The following CLSTN2 variants were observed in gnomAD, a reference collection of about 807,000 sequenced individuals.
The protein encoded by CLSTN2 is calsyntenin 2.
CLSTN2 carries 48 observed loss-of-function variants against 101.2 expected under a neutral mutation model. The observed-to-expected ratio is 0.47, with a 90% CI of 0.38 to 0.60. The LOEUF (loss-of-function observed/expected upper bound fraction) is 0.60, where lower values mean the gene tolerates loss of function less well. CLSTN2 is among the 20% of genes least tolerant of loss of function. The probability of loss-of-function intolerance (pLI) is 0.00; values close to 1 mark genes in which losing one functional copy is unlikely to be tolerated. For missense variants in CLSTN2, 1,160 were observed against 1,238.2 expected, an observed-to-expected ratio of 0.94 and a Z score of 0.95; for synonymous variants, 481 against 463.6, an observed-to-expected ratio of 1.04 and a Z score of -0.48.
intron 16 of CLSTN2, 77 bp from the exon 17 acceptor site, chr3:140,565,976 G>A: frequency 6.3e-7 from 1 of 1,578,140 alleles, no homozygotes; most frequent in South Asian, 1.1e-5. Flanking sequence ...TTTCCTTAAT[G>A]GATGGAGAGA....
At chr3:140,350,960 C>G (rs2087599660) in intron 2 of CLSTN2, among the ~76,000 whole-genome samples, 1 of 152,154 alleles carries the variant, frequency 6.6e-6, no homozygotes, top group Non-Finnish European at 1.5e-5. Context: ...AGATTTATTC[C>G]TTGTTTGCTC....
At chr3:140,113,446 G>A (rs2009188590) in intron 1 of CLSTN2, among the ~76,000 whole-genome samples, 1 of 152,164 alleles carries the variant, frequency 6.6e-6, no homozygotes, top group Admixed American at 6.5e-5. Flanking sequence ...TCAACCCGGG[G>A]TTCTCACAGA....
chr3:140,023,008 G>A (rs1313886778), intron 1 of CLSTN2, among the ~76,000 whole-genome samples: 1 of 152,186 alleles, frequency 6.6e-6, no homozygotes, highest in African/African-American at 2.4e-5. Flanking sequence ...GGAGGAAAGG[G>A]CTTCAACGTT....
intron 1 of CLSTN2, among the ~76,000 whole-genome samples, chr3:140,040,851 A>C (rs931873130): frequency 2.0e-5 from 3 of 152,066 alleles, no homozygotes; most frequent in Non-Finnish European, 4.4e-5. Flanking sequence ...TCATGATTAC[A>C]AGGTGGAGTG....
intron 1 of CLSTN2, among the ~76,000 whole-genome samples, chr3:140,076,168 CTG>C (rs2008483897): frequency 1.3e-5 from 2 of 152,178 alleles, no homozygotes; most frequent in African/African-American, 4.8e-5. Context: ...TATTTGTCCT[CTG>C]TGATGGGCTT....
At chr3:140,083,448 A>G (rs927827081) in intron 1 of CLSTN2, among the ~76,000 whole-genome samples, 1 of 152,248 alleles carries the variant, frequency 6.6e-6, no homozygotes, top group Non-Finnish European at 1.5e-5. Context: ...GAATGAATTA[A>G]TGATTGGTTG....
At chr3:140,133,905 A>G (rs2009560882) in intron 1 of CLSTN2, among the ~76,000 whole-genome samples, 1 of 152,146 alleles carries the variant, frequency 6.6e-6, no homozygotes, top group Non-Finnish European at 1.5e-5. Flanking sequence ...GCCTCTGTGT[A>G]GTTTCAATGT....
chr3:140,317,500 C>T (rs1208356858), intron 2 of CLSTN2, among the ~76,000 whole-genome samples: 1 of 152,136 alleles, frequency 6.6e-6, no homozygotes, highest in Non-Finnish European at 1.5e-5. Flanking sequence ...TTCCTACAGC[C>T]TGTTGGCCAC....
Position 140,576,056 on chromosome 3 carries a change from C to A in CLSTN2, c.*9803C>A, listed in dbSNP as rs1304614508. ...GAAATTGAAGACCCAGCTTATCACT[C>A]CTTCATAGAGACTCAGTAGTATGAG... is the stretch of plus-strand genomic sequence containing the variant. On this transcript the variant is annotated 3_prime_UTR_variant, in exon 17 of 17. Coordinates refer to ENST00000458420, the MANE Select transcript of CLSTN2 (RefSeq NM_022131.3). 1 of 152,134 alleles carries A rather than the reference C, an allele frequency of 6.6e-6. No homozygotes were observed. Among genetic ancestry groups the A allele is most frequent in the Non-Finnish European group, 1.5e-5 (1 of 68,030 alleles). The allele number at this position is 152,134 out of a possible 1,614,324, so 9.4% of individuals were successfully genotyped here.
chr3:140,477,024 A>G (rs1025160615), intron 8 of CLSTN2, among the ~76,000 whole-genome samples: 5 of 152,166 alleles, frequency 3.3e-5, no homozygotes, highest in South Asian at 2.1e-4. Flanking sequence ...AAGGCTGTTC[A>G]TTCCATAAGA....
chr3:140,179,620 C>CAAAAAAAAAA (rs57433306), intron 2 of CLSTN2, among the ~76,000 whole-genome samples: 3 of 37,466 alleles, frequency 8.0e-5, no homozygotes, highest in Non-Finnish European at 1.0e-4. Flanking sequence ...GACCCTATCT[C>CAAAAAAAAAA]AAAAAAAAAA....
At chr3:140,096,430 C>T (rs999597944) in intron 1 of CLSTN2, among the ~76,000 whole-genome samples, 1 of 152,170 alleles carries the variant, frequency 6.6e-6, no homozygotes, top group Non-Finnish European at 1.5e-5. Flanking sequence ...AAATGTCATC[C>T]TTGGAAGGGA....
chr3:140,497,156 A>G (rs1052732862), intron 8 of CLSTN2, among the ~76,000 whole-genome samples: 1 of 150,740 alleles, frequency 6.6e-6, no homozygotes, highest in Non-Finnish European at 1.5e-5. Flanking sequence ...GCAGGTGTGC[A>G]GTGTTGGGGG....
chr3:140,501,134 A>T (rs931399755), intron 8 of CLSTN2, among the ~76,000 whole-genome samples: 5 of 151,228 alleles, frequency 3.3e-5, no homozygotes, highest in South Asian at 2.1e-4. Flanking sequence ...CAAATCAGTC[A>T]CTCTCGCTCC....
intron 8 of CLSTN2, among the ~76,000 whole-genome samples, chr3:140,475,473 T>C (rs1426068611): frequency 6.6e-6 from 1 of 152,230 alleles, no homozygotes; most frequent in African/African-American, 2.4e-5. Flanking sequence ...GTTTTCATTA[T>C]TACTTGGATT....
chr3:140,337,738 A>AG (rs1407596137), intron 2 of CLSTN2, among the ~76,000 whole-genome samples: 3 of 152,208 alleles, frequency 2.0e-5, no homozygotes, highest in African/African-American at 7.2e-5. Flanking sequence ...TCTCAACTAA[A>AG]GCATCTCTGC....
chr3:140,034,184 T>A (rs1015374727), intron 1 of CLSTN2, among the ~76,000 whole-genome samples: 1 of 152,202 alleles, frequency 6.6e-6, no homozygotes, highest in African/African-American at 2.4e-5. Context: ...GCATAGAAAT[T>A]AATAAGTAAT....
At chr3:140,436,504 A>G (rs1576566701) in intron 5 of CLSTN2, among the ~76,000 whole-genome samples, 1 of 152,378 alleles carries the variant, frequency 6.6e-6, no homozygotes, top group Middle Eastern at 3.4e-3. Context: ...TGGACATAAT[A>G]ACCAGAGTTC....
intron 10 of CLSTN2, among the ~76,000 whole-genome samples, chr3:140,551,857 A>G (rs1251544612): frequency 6.7e-6 from 1 of 149,502 alleles, no homozygotes; most frequent in East Asian, 1.9e-4. Context: ...TTTAGTGTAT[A>G]CATAATATAT....
Sources: gnomAD v4.1 joint callset for allele counts (sites outside exome capture counted in the v4.1 genomes callset) on GRCh38, gnomAD v4.1.1 for gene constraint, MANE v1.5 for transcripts, NCBI Gene and HGNC (gene_info 2026-07-23, HGNC 2026-07-21) for gene names.